The following RUNX2 variants were observed in gnomAD, a reference collection of about 807,000 sequenced individuals.
The protein encoded by RUNX2 is RUNX family transcription factor 2.
Under a neutral mutation model 51.7 loss-of-function variants are expected in RUNX2, and 10 were observed. The ratio of observed to expected loss-of-function variants is 0.19; its 90% CI spans 0.12 to 0.33. The LOEUF is 0.33. RUNX2 is among the 10% of genes least tolerant of loss of function. The pLI is 1.00. For synonymous variants in RUNX2, 276 were observed against 273.6 expected, an observed-to-expected ratio of 1.01 and a Z score of -0.09; for missense variants, 562 against 691.3, an observed-to-expected ratio of 0.81 and a Z score of 2.10.
At chr6:45,406,985 C>T (rs1797847345) in intron 2 of RUNX2, among the ~76,000 whole-genome samples, 1 of 152,164 alleles carries the variant, frequency 6.6e-6, no homozygotes, top group Non-Finnish European at 1.5e-5. Flanking sequence ...ACAATGAATA[C>T]TTGTGTAGCT....
chr6:45,328,922 A>C (rs912629548), intron 2 of RUNX2, 138 bp downstream of exon 2: 13 of 933,486 alleles, frequency 1.4e-5, no homozygotes, highest in African/African-American at 3.3e-5. Context: ...TTAAGAATTG[A>C]AAAATGAAAT....
At chr6:45,536,058 A>C (rs577979790) in intron 7 of RUNX2, among the ~76,000 whole-genome samples, 1 of 152,116 alleles carries the variant, frequency 6.6e-6, no homozygotes, top group East Asian at 1.9e-4. Flanking sequence ...AACATGAACA[A>C]GGAAATCCCG....
chr6:45,536,297 G>C (rs1802032395), intron 7 of RUNX2, among the ~76,000 whole-genome samples: 1 of 152,228 alleles, frequency 6.6e-6, no homozygotes, highest in Admixed American at 6.5e-5. Flanking sequence ...GGGAGAAAGG[G>C]CAAAAATAAG....
chr6:45,368,060 A>C (rs1256125118), intron 2 of RUNX2, among the ~76,000 whole-genome samples: 1 of 151,662 alleles, frequency 6.6e-6, no homozygotes, highest in Non-Finnish European at 1.5e-5. Flanking sequence ...TTAAAAGCAG[A>C]AGCACTCAAG....
intron 5 of RUNX2, among the ~76,000 whole-genome samples, chr6:45,455,497 G>C (rs1799294251): frequency 6.6e-6 from 1 of 152,066 alleles, no homozygotes; most frequent in African/African-American, 2.4e-5. Flanking sequence ...TTGCACCATG[G>C]CTGCTCTGTC....
At chr6:45,353,445 A>G (rs1286763992) in intron 2 of RUNX2, among the ~76,000 whole-genome samples, 1 of 152,072 alleles carries the variant, frequency 6.6e-6, no homozygotes, top group Non-Finnish European at 1.5e-5. Context: ...TGGCAAAGGA[A>G]TAGACTACTC....
rs536162570 is a variant in RUNX2, at chr6:45,355,782, C to G, written c.58+26998C>G. ...GGCAGAATAAAAAATACTATCAGTG[C>G]TTGACTTAGAAATGGGTTGTATTCC... On this transcript the variant is annotated intron_variant, in intron 2 of 8. Coordinates refer to ENST00000647337, the MANE Select transcript of RUNX2 (RefSeq NM_001024630.4). 6.6e-5 allele frequency among the ~76,000 whole-genome samples: 10 copies of G among 152,200 alleles called. No homozygotes were observed. In the South Asian group the frequency reaches 2.1e-3, roughly 32 times the overall value.
intron 2 of RUNX2, among the ~76,000 whole-genome samples, chr6:45,411,772 T>G (rs1797956341): frequency 6.6e-6 from 1 of 152,188 alleles, no homozygotes; most frequent in Non-Finnish European, 1.5e-5. Context: ...CACACTATAA[T>G]AATTTCCTTC....
At chr6:45,389,871 TG>T (rs1057392648) in intron 2 of RUNX2, among the ~76,000 whole-genome samples, 1 of 151,944 alleles carries the variant, frequency 6.6e-6, no homozygotes, top group Non-Finnish European at 1.5e-5. Flanking sequence ...TTAGGTATGG[TG>T]GTGCACACCT....
chr6:45,401,363 T>C (rs1049267418), intron 2 of RUNX2, among the ~76,000 whole-genome samples: 1 of 152,232 alleles, frequency 6.6e-6, no homozygotes, highest in Non-Finnish European at 1.5e-5. Context: ...TACTCTTTAA[T>C]CCATTTAACA....
intron 5 of RUNX2, among the ~76,000 whole-genome samples, chr6:45,443,272 A>T (rs947614514): frequency 6.6e-5 from 10 of 151,844 alleles, no homozygotes; most frequent in Admixed American, 2.6e-4. Context: ...GCTGGTCTTG[A>T]ACTCCTGGCC....
intron 7 of RUNX2, among the ~76,000 whole-genome samples, chr6:45,520,311 T>C (rs543228961): frequency 1.4e-3 from 218 of 152,342 alleles, no homozygotes; most frequent in Non-Finnish European, 2.5e-3. Flanking sequence ...ACCAAATGGT[T>C]TTCTGTATCT....
chr6:45,331,972 G>A (rs947277177), intron 2 of RUNX2, among the ~76,000 whole-genome samples: 3 of 151,872 alleles, frequency 2.0e-5, no homozygotes, highest in Non-Finnish European at 2.9e-5. Flanking sequence ...CTGCAGGGGC[G>A]GGGGGAGCTA....
chr6:45,502,503 G>A (rs930605247), intron 6 of RUNX2, among the ~76,000 whole-genome samples: 1 of 152,124 alleles, frequency 6.6e-6, no homozygotes, highest in Non-Finnish European at 1.5e-5. Context: ...ATCACTCCCA[G>A]CTGTAGGCCC....
intron 4 of RUNX2, 127 bp from the exon 5 acceptor site, chr6:45,437,820 G>A (rs951605234): frequency 1.3e-5 from 10 of 754,606 alleles, no homozygotes; most frequent in African/African-American, 8.6e-5. Flanking sequence ...AAGGAGTCCT[G>A]CCTCTTGTCT....
chr6:45,474,171 T>TC (rs1316523028), intron 5 of RUNX2, among the ~76,000 whole-genome samples: 3 of 151,764 alleles, frequency 2.0e-5, no homozygotes, highest in African/African-American at 7.3e-5. Context: ...TTTTTTTTTT[T>TC]CCCTTTGCCC....
intron 4 of RUNX2, 89 bp downstream of exon 4, chr6:45,432,108 C>A: frequency 8.1e-7 from 1 of 1,228,396 alleles, no homozygotes; most frequent in Non-Finnish European, 1.2e-6. Flanking sequence ...CAAATCAGCA[C>A]CTTCTTTTTC....
intron 5 of RUNX2, among the ~76,000 whole-genome samples, chr6:45,479,827 C>T (rs1563104556): frequency 6.6e-6 from 1 of 152,168 alleles, no homozygotes; most frequent in African/African-American, 2.4e-5. Context: ...GAATAATACA[C>T]TTTAAAAAAA....
At chr6:45,497,473 T>G (rs1800679127) in intron 6 of RUNX2, among the ~76,000 whole-genome samples, 1 of 152,232 alleles carries the variant, frequency 6.6e-6, no homozygotes, top group Non-Finnish European at 1.5e-5. Context: ...TCACTTATTT[T>G]TTTATTTTAA....
Sources: allele counts gnomAD v4.1 joint callset (sites outside exome capture counted in the v4.1 genomes callset), GRCh38; gene constraint gnomAD v4.1.1; transcripts MANE v1.5; gene names NCBI Gene and HGNC (gene_info 2026-07-23, HGNC 2026-07-21).